TANGO6: variants seen among roughly 807,000 people sequenced by gnomAD.
TANGO6 encodes the protein transport and Golgi organization protein 6 homolog.
A neutral mutation model predicts 114.2 loss-of-function variants in TANGO6; 90 were observed. The ratio of observed to expected loss-of-function variants is 0.79; its 90% CI spans 0.66 to 0.94. The LOEUF is 0.94. TANGO6 is among the 40% of genes least tolerant of loss of function. The pLI is 0.00. For synonymous variants in TANGO6, 477 were observed against 509.8 expected (o/e 0.94, Z 0.87); for missense variants, 1,274 against 1,315.3 (o/e 0.97, Z 0.49).
At chr16:68,958,931 C>T (rs1048495736) in intron 14 of TANGO6, among the ~76,000 whole-genome samples, 2 of 152,022 alleles carry the variant, frequency 1.3e-5, no homozygotes. Flanking sequence ...GAGTAAGACC[C>T]TGTCTCTAAA....
intron 14 of TANGO6, among the ~76,000 whole-genome samples, chr16:68,961,108 G>A (rs1330164734): frequency 6.6e-6 from 1 of 152,152 alleles, no homozygotes; most frequent in Non-Finnish European, 1.5e-5. Flanking sequence ...TAGCCACAGT[G>A]GGGGATGCTG....
chr16:69,049,716 A>G (rs1030560318), intron 17 of TANGO6, among the ~76,000 whole-genome samples: 3 of 151,710 alleles, frequency 2.0e-5, no homozygotes. Context: ...CTAGGATTAC[A>G]GGCATGAGCC....
chr16:68,901,213 T>C (rs1425024611), intron 8 of TANGO6, among the ~76,000 whole-genome samples: 2 of 152,224 alleles, frequency 1.3e-5, no homozygotes, highest in Admixed American at 6.5e-5. Flanking sequence ...ACAGAGTTAT[T>C]GTGAAGACTA....
chr16:69,075,925 C>A (rs938119960), intron 17 of TANGO6, among the ~76,000 whole-genome samples: 1 of 151,454 alleles, frequency 6.6e-6, no homozygotes, highest in Non-Finnish European at 1.5e-5. Flanking sequence ...CCACCGTGCC[C>A]AGCTACTTTT....
intron 7 of TANGO6, among the ~76,000 whole-genome samples, chr16:68,890,974 G>A (rs552525004): frequency 1.6e-4 from 24 of 149,670 alleles, no homozygotes; most frequent in Non-Finnish European, 1.0e-4. Context: ...GCAGGGAGCC[G>A]AGATTGCACC....
At chr16:68,983,668 G>T (rs148319488) in intron 15 of TANGO6, among the ~76,000 whole-genome samples, 48 of 152,260 alleles carry the variant, frequency 3.2e-4, no homozygotes, top group African/African-American at 1.1e-3. Context: ...GCAGTTGAGT[G>T]TGGCAGTGTG....
At chr16:68,864,089 G>C (rs1596993672) in intron 3 of TANGO6, among the ~76,000 whole-genome samples, 1 of 151,782 alleles carries the variant, frequency 6.6e-6, no homozygotes, top group South Asian at 2.1e-4. Context: ...CAGGAGAATC[G>C]CTTGAACACA....
intron 14 of TANGO6, among the ~76,000 whole-genome samples, chr16:68,936,488 A>G (rs1012536039): frequency 2.6e-5 from 4 of 152,040 alleles, no homozygotes; most frequent in Admixed American, 6.6e-5. Context: ...GCCCACCACC[A>G]TGCCCGGCTA....
intron 5 of TANGO6, among the ~76,000 whole-genome samples, chr16:68,876,146 A>G (rs1435574167): frequency 2.6e-5 from 4 of 151,438 alleles, no homozygotes; most frequent in Admixed American, 6.6e-5. Flanking sequence ...TATACACATG[A>G]TGGTACAATT....
chr16:68,878,295 G>A lies in TANGO6; in HGVS notation c.1294+15G>A. 1.3e-6 allele frequency: 2 copies of A among 1,579,502 alleles called. No homozygotes were observed. The highest frequency in any genetic ancestry group is 1.2e-5 in the South Asian group (1 of 83,376). On this transcript the variant is annotated intron_variant, in intron 6 of 17. Transcript: ENST00000261778. ...GAATACAGCAGGTAAAGGAGGAAGT[G>A]TGGTGGCTGTGTGTGCCTCTAAAGG...
chr16:69,002,743 T>TA (rs763806154), intron 15 of TANGO6, among the ~76,000 whole-genome samples: 45 of 152,070 alleles, frequency 3.0e-4, no homozygotes, highest in African/African-American at 8.2e-4. Context: ...AGAGCACTTT[T>TA]AAAAAAAGTC....
intron 2 of TANGO6, among the ~76,000 whole-genome samples, chr16:68,862,288 C>A (rs1962104735): frequency 6.6e-6 from 1 of 152,114 alleles, no homozygotes; most frequent in African/African-American, 2.4e-5. Context: ...AATCTTGACT[C>A]ACTGTAACCT....
At chr16:68,922,080 C>T (rs1042536183) in intron 12 of TANGO6, among the ~76,000 whole-genome samples, 23 of 151,908 alleles carry the variant, frequency 1.5e-4, no homozygotes, top group African/African-American at 5.3e-4. Context: ...TACTAGGATT[C>T]GTTGTTTTGG....
At chr16:68,860,631 G>A in intron 2 of TANGO6, 107 bp downstream of exon 2, 1 of 1,362,562 alleles carries the variant, frequency 7.3e-7, no homozygotes, top group Non-Finnish European at 9.8e-7. Flanking sequence ...CTTCAGAACT[G>A]GATATGCCAA....
intron 17 of TANGO6, among the ~76,000 whole-genome samples, chr16:69,074,239 A>G (rs1056060844): frequency 2.0e-5 from 3 of 152,026 alleles, no homozygotes; most frequent in Non-Finnish European, 4.4e-5. Context: ...ACAAATAACA[A>G]CAACAAGAAG....
intron 15 of TANGO6, among the ~76,000 whole-genome samples, chr16:69,020,929 T>TGTGTGTGTG (rs1555528352): frequency 2.8e-5 from 4 of 142,654 alleles, no homozygotes; most frequent in African/African-American, 1.0e-4. Flanking sequence ...TGTGTGTGTG[T>TGTGTGTGTG]GTGTGTGTGT....
At chr16:68,897,243 G>A (rs1962718148) in intron 7 of TANGO6, among the ~76,000 whole-genome samples, 1 of 152,006 alleles carries the variant, frequency 6.6e-6, no homozygotes, top group Admixed American at 6.6e-5. Flanking sequence ...CTTTCTGCAT[G>A]CTCTTCCCCT....
intron 7 of TANGO6, among the ~76,000 whole-genome samples, chr16:68,881,518 C>G (rs2152171312): frequency 6.8e-6 from 1 of 146,358 alleles, no homozygotes; most frequent in South Asian, 2.2e-4. Context: ...TGTCTCCAAA[C>G]AAACAAACAA....
At chr16:68,964,140 A>G (rs965352752) in intron 14 of TANGO6, among the ~76,000 whole-genome samples, 1 of 152,100 alleles carries the variant, frequency 6.6e-6, no homozygotes, top group South Asian at 2.1e-4. Flanking sequence ...TATTTATATC[A>G]TTCAAAATTC....
Sources: gnomAD v4.1 joint callset for allele counts (sites outside exome capture counted in the v4.1 genomes callset) on GRCh38, gnomAD v4.1.1 for gene constraint, MANE v1.5 for transcripts, NCBI Gene and HGNC (gene_info 2026-07-23, HGNC 2026-07-21) for gene names.